The following ATP6V0D1 variants were observed in gnomAD, a reference collection of about 807,000 sequenced individuals.
The protein encoded by ATP6V0D1 is ATPase H+ transporting V0 subunit d1.
Under a neutral mutation model 39.0 loss-of-function variants are expected in ATP6V0D1, and 13 were observed. The ratio of observed to expected loss-of-function variants is 0.33; its 90% confidence interval spans 0.22 to 0.53. The LOEUF is 0.53. Among genes scored for constraint, ATP6V0D1 ranks in the 20% least tolerant of loss-of-function variants. The pLI, the probability that ATP6V0D1 is intolerant of heterozygous loss-of-function variation, is 0.94. For synonymous variants in ATP6V0D1, 191 were observed against 191.2 expected, an observed-to-expected ratio of 1.00 and a Z score of 0.01; for missense variants, 272 against 470.9, an observed-to-expected ratio of 0.58 and a Z score of 3.91.
chr16:67,452,890 C>CA (rs1362664613), intron 2 of ATP6V0D1, among the ~76,000 whole-genome samples: 1 of 152,200 alleles, frequency 6.6e-6, no homozygotes, highest in African/African-American at 2.4e-5. Flanking sequence ...GCCCAAGGGT[C>CA]AGACAATGAA....
intron 1 of ATP6V0D1, among the ~76,000 whole-genome samples, chr16:67,469,037 C>T (rs1014283507): frequency 1.3e-5 from 2 of 152,082 alleles, no homozygotes; most frequent in Admixed American, 6.6e-5. Context: ...AGGCCAGGCG[C>T]GGTGGCTCAC....
rs1386714211 is a variant in ATP6V0D1, at chr16:67,470,929, C to T, written c.130+10028G>A. On this transcript the variant is annotated intron_variant, in intron 1 of 7. Coordinates refer to ENST00000290949, the MANE Select transcript of ATP6V0D1 (RefSeq NM_004691.5). ...GATCTCTGACCTGGTCCTTCATCCC[C>T]CCTCATTCCACTCCAGCCCTGGTTA... 2.6e-5 allele frequency among the ~76,000 whole-genome samples: 4 copies of T among 152,302 alleles called. No individual in the cohort carries two copies. In the East Asian group the frequency reaches 7.7e-4, roughly 29 times the overall value.
rs1409606730 is a variant in ATP6V0D1, at chr16:67,453,225, T to C, written c.302+319A>G. Among the ~76,000 whole-genome samples the C allele has an allele frequency of 3.5e-5, 5 of 143,848 alleles. No individual in the cohort carries two copies. Among genetic ancestry groups the C allele is most frequent in the Non-Finnish European group, 7.6e-5 (5 of 65,402 alleles). 94.4% of individuals were successfully genotyped at this position (143,848 alleles called of 152,430 possible). ...GTTTCCCTGCCCCAGTCTATGTGAC[T>C]GGGGGAAGAGGCTTCATCCAGCACT... On this transcript the variant is annotated intron_variant, in intron 2 of 7. Transcript: ENST00000290949. This position sits in a 1 kb window ranked among gnomAD's most constrained non-coding sequence, Gnocchi z 4.1.
intron 1 of ATP6V0D1, among the ~76,000 whole-genome samples, chr16:67,475,869 A>G (rs2041410231): frequency 6.6e-6 from 1 of 152,232 alleles, no homozygotes; most frequent in Non-Finnish European, 1.5e-5. Flanking sequence ...ACAAAGAACC[A>G]AGTCTCCTAA....
chr16:67,442,679 C>T (rs2041066757), intron 4 of ATP6V0D1, among the ~76,000 whole-genome samples: 1 of 152,060 alleles, frequency 6.6e-6, no homozygotes, highest in Admixed American at 6.6e-5. Context: ...AGCTATGCCT[C>T]GCCAGATCCC....
At chr16:67,449,314 G>A (rs905632836) in intron 2 of ATP6V0D1, among the ~76,000 whole-genome samples, 3 of 152,132 alleles carry the variant, frequency 2.0e-5, no homozygotes, top group Admixed American at 6.5e-5. Flanking sequence ...CCCAGAGGCC[G>A]CACTCACTCC....
chr16:67,470,771 C>G (rs1423174782), intron 1 of ATP6V0D1, among the ~76,000 whole-genome samples: 3 of 152,056 alleles, frequency 2.0e-5, no homozygotes, highest in Non-Finnish European at 4.4e-5. Context: ...TATCCCTTCT[C>G]TGGTAGCCCG....
intron 1 of ATP6V0D1, among the ~76,000 whole-genome samples, chr16:67,472,682 A>G (rs2041382956): frequency 6.6e-6 from 1 of 152,272 alleles, no homozygotes; most frequent in Admixed American, 6.5e-5. Flanking sequence ...CCTGGCTAAC[A>G]CGGTGAAACC....
rs1193015410 is a variant in ATP6V0D1 at position 67,456,659 on chromosome 16, G to A, written c.131-2944C>T. The stretch of plus-strand genomic sequence containing the variant: ...TGCAGCCAGCCAAGAGCCCTTCTCA[G>A]GCCAGGAGACTTCTTCCTTTTCAGC... On this transcript the variant is annotated intron_variant, in intron 1 of 7. Coordinates refer to ENST00000290949, the MANE Select transcript of ATP6V0D1 (RefSeq NM_004691.5). This position sits in a 1 kb window ranked among gnomAD's most constrained non-coding sequence, Gnocchi z 4.1. The A allele has an allele frequency of 6.6e-6, 1 of 152,276 alleles. No individual in the cohort carries two copies. The highest frequency in any genetic ancestry group is 2.4e-5 in the African/African-American group (1 of 41,466). 9.4% of individuals were successfully genotyped at this position (152,276 alleles called of 1,614,324 possible).
chr16:67,443,462 A>T, intron 3 of ATP6V0D1: 1 of 379,428 alleles, frequency 2.6e-6, no homozygotes, highest in South Asian at 5.2e-5. Context: ...CCAAGCTCAG[A>T]CCATGCCAAA....
At chr16:67,465,929 G>A (rs572294788) in intron 1 of ATP6V0D1, among the ~76,000 whole-genome samples, 303 of 152,234 alleles carry the variant, frequency 2.0e-3, no homozygotes, top group Non-Finnish European at 3.3e-3. Context: ...TGACTCACGG[G>A]GTCCAGCCAC....
chr16:67,468,065 G>A (rs924752986), intron 1 of ATP6V0D1, among the ~76,000 whole-genome samples: 1 of 152,298 alleles, frequency 6.6e-6, no homozygotes, highest in African/African-American at 2.4e-5. Context: ...ACTCTGCTAT[G>A]TTCAGTGTAT....
chr16:67,438,763 C>T, intron 7 of ATP6V0D1, 30 bp downstream of exon 7: 1 of 1,614,154 alleles, frequency 6.2e-7, no homozygotes, highest in Non-Finnish European at 8.5e-7. Flanking sequence ...AGGTTGGCCT[C>T]CCTCTGACAA....
chr16:67,438,488 C>T lies in ATP6V0D1; in HGVS notation c.*40G>A, dbSNP rs2041003522. ...ACACACACGCGCACACACACACACA[C>T]ACACACAAAGAGTGCAATTGAGAGC... is the stretch of plus-strand genomic sequence containing the variant. On this transcript the variant is annotated 3_prime_UTR_variant, in exon 8 of 8. Transcript: ENST00000290949. The T allele has an allele frequency of 3.1e-6, 5 of 1,609,878 alleles. No individual in the cohort carries two copies. The highest frequency in any genetic ancestry group is 3.4e-6 in the Non-Finnish European group (4 of 1,177,678).
At chr16:67,438,907 G>T in intron 6 of ATP6V0D1, 37 bp from the exon 7 acceptor site, 1 of 1,613,138 alleles carries the variant, frequency 6.2e-7, no homozygotes, top group Non-Finnish European at 8.5e-7. Flanking sequence ...AAGCATGAGG[G>T]TTCTGGGTGG....
At chr16:67,478,277 G>A (rs772340713) in intron 1 of ATP6V0D1, among the ~76,000 whole-genome samples, 32 of 152,200 alleles carry the variant, frequency 2.1e-4, no homozygotes, top group Non-Finnish European at 3.4e-4. Context: ...TGTGCACCAA[G>A]TGCTGGAGGG....
intron 1 of ATP6V0D1, among the ~76,000 whole-genome samples, chr16:67,475,802 G>A (rs762255849): frequency 3.3e-5 from 5 of 152,158 alleles, no homozygotes; most frequent in Admixed American, 2.6e-4. Context: ...GTCCAATACA[G>A]TATCAATGAG....
intron 1 of ATP6V0D1, among the ~76,000 whole-genome samples, chr16:67,477,407 A>G (rs1056017303): frequency 3.9e-5 from 6 of 152,198 alleles, no homozygotes; most frequent in Admixed American, 3.9e-4. Flanking sequence ...GTTTTTAAGG[A>G]AGGAGGAATA....
intron 4 of ATP6V0D1, chr16:67,440,556 T>C (rs1009405047): frequency 1.3e-5 from 2 of 152,372 alleles, no homozygotes; most frequent in South Asian, 2.1e-4. Context: ...TTCTAGATTG[T>C]AGGCAAGGGT....
Sources: gnomAD v4.1 joint callset for allele counts (sites outside exome capture counted in the v4.1 genomes callset) on GRCh38, gnomAD v4.1.1 for gene constraint, Gnocchi (gnomAD v3.1) non-coding constraint, MANE v1.5 for transcripts, NCBI Gene and HGNC (gene_info 2026-07-23, HGNC 2026-07-21) for gene names.